The following RIMS4 variants were observed in gnomAD, a reference collection of about 807,000 sequenced individuals.
The protein encoded by RIMS4 is regulating synaptic membrane exocytosis protein 4.
A neutral mutation model predicts 29.0 loss-of-function variants in RIMS4; 9 were observed. The ratio of observed to expected loss-of-function variants is 0.31; its 90% CI spans 0.19 to 0.54. The LOEUF (loss-of-function observed/expected upper bound fraction) is 0.54, where lower values mean the gene tolerates loss of function less well. RIMS4 is among the 20% of genes least tolerant of loss of function. The probability of loss-of-function intolerance (pLI) is 0.94; values close to 1 mark genes in which losing one functional copy is unlikely to be tolerated. For synonymous variants in RIMS4, 130 were observed against 152.9 expected, an observed-to-expected ratio of 0.85 and a Z score of 1.10; for missense variants, 193 against 365.7, an observed-to-expected ratio of 0.53 and a Z score of 3.85.
chr20:44,773,088 C>A (rs557045854), intron 1 of RIMS4, among the ~76,000 whole-genome samples: 7 of 152,242 alleles, frequency 4.6e-5, no homozygotes, highest in African/African-American at 1.7e-4. Context: ...GCAACACACA[C>A]ACACAGTAAG....
intron 2 of RIMS4, among the ~76,000 whole-genome samples, chr20:44,761,624 A>G (rs567691915): frequency 2.0e-5 from 3 of 152,092 alleles, no homozygotes; most frequent in Non-Finnish European, 2.9e-5. Flanking sequence ...AGGCTTGATG[A>G]CGCATCCGTT....
chr20:44,771,159 C>G (rs994665804), intron 2 of RIMS4, 116 bp downstream of exon 2: 10 of 1,220,238 alleles, frequency 8.2e-6, no homozygotes, highest in Non-Finnish European at 1.1e-5. Flanking sequence ...GAGCCCTGAG[C>G]TGGCGCTTTC....
At chr20:44,769,393 C>A (rs566359036) in intron 2 of RIMS4, among the ~76,000 whole-genome samples, 1 of 152,152 alleles carries the variant, frequency 6.6e-6, no homozygotes, top group South Asian at 2.1e-4. Context: ...CAGACCTGCC[C>A]GTGAGGCTGA....
At chr20:44,771,160 T>C in intron 2 of RIMS4, 115 bp downstream of exon 2, 1 of 1,229,580 alleles carries the variant, frequency 8.1e-7, no homozygotes. Context: ...AGCCCTGAGC[T>C]GGCGCTTTCA....
chr20:44,793,952 C>T (rs925939075), intron 1 of RIMS4, among the ~76,000 whole-genome samples: 2 of 152,154 alleles, frequency 1.3e-5, no homozygotes, highest in Non-Finnish European at 1.5e-5. Context: ...ACCTGTAGTC[C>T]CAGCTTTTTG....
chr20:44,799,869 G>A (rs1004050748), intron 1 of RIMS4, among the ~76,000 whole-genome samples: 2 of 152,144 alleles, frequency 1.3e-5, no homozygotes, highest in Non-Finnish European at 2.9e-5. Flanking sequence ...GACCTCAGAG[G>A]GACTTTCAAC....
chr20:44,767,508 C>T (rs1345065411), intron 2 of RIMS4, among the ~76,000 whole-genome samples: 22 of 152,230 alleles, frequency 1.4e-4, no homozygotes, highest in Admixed American at 1.4e-3. Context: ...GAGAGGGGCT[C>T]TGGGTCCTTG....
At chr20:44,783,265 T>C (rs1019396090) in intron 1 of RIMS4, among the ~76,000 whole-genome samples, 7 of 152,210 alleles carry the variant, frequency 4.6e-5, no homozygotes, top group African/African-American at 1.2e-4. Flanking sequence ...TGAATGGCCA[T>C]CCATGGACGA....
At chr20:44,780,897 A>G (rs2066181553) in intron 1 of RIMS4, among the ~76,000 whole-genome samples, 1 of 152,170 alleles carries the variant, frequency 6.6e-6, no homozygotes, top group African/African-American at 2.4e-5. Context: ...GGATTTGAGA[A>G]CCCTAGAGAG....
intron 2 of RIMS4, among the ~76,000 whole-genome samples, chr20:44,767,275 CT>C (rs1436350483): frequency 6.6e-6 from 1 of 152,206 alleles, no homozygotes; most frequent in African/African-American, 2.4e-5. Context: ...CTGGAAGGTT[CT>C]GTTCTCACGG....
intron 2 of RIMS4, among the ~76,000 whole-genome samples, chr20:44,758,712 G>T (rs181349294): frequency 6.6e-6 from 1 of 152,120 alleles, no homozygotes; most frequent in Non-Finnish European, 1.5e-5. Context: ...CCTTCCCCTC[G>T]GCCAGTGATC....
intron 2 of RIMS4, among the ~76,000 whole-genome samples, chr20:44,763,392 C>A (rs2066094600): frequency 6.6e-6 from 1 of 152,220 alleles, no homozygotes; most frequent in South Asian, 2.1e-4. Flanking sequence ...GGGTGAGATA[C>A]CATGGCCTGC....
rs1277817424 is a variant in RIMS4 at position 44,756,193 on chromosome 20, G to A, written c.751C>T (p.Arg251Trp). ...MVDPATGPLL[R>W]QASQLSLEST... is the part of the protein sequence containing the mutation. Reference sequence around the variant, plus strand: ...TCGAGGGACAACTGGGATGCCTGCCGGAGCAGGGGGCCTGTGGCTGGGTCC... The same window carrying A: ...TCGAGGGACAACTGGGATGCCTGCCAGAGCAGGGGGCCTGTGGCTGGGTCC... The change falls in exon 6 of 6, where the codon CGG (arginine) becomes TGG (tryptophan). Residue 251 changes from arginine to tryptophan, a missense_variant. Physicochemically the swap from Arg to Trp is moderately radical, Grantham distance 101. Coordinates refer to ENST00000372851, the MANE Select transcript of RIMS4 (RefSeq NM_182970.4). The surrounding 1 kb of genome is among the most constrained non-coding windows in gnomAD (Gnocchi z 5.9). The A allele has an allele frequency of 1.9e-6, 3 of 1,613,876 alleles. No homozygotes were observed. Among genetic ancestry groups the A allele is most frequent in the African/African-American group, 2.7e-5 (2 of 74,934 alleles).
At chr20:44,789,717 G>C (rs2145470001) in intron 1 of RIMS4, among the ~76,000 whole-genome samples, 1 of 152,220 alleles carries the variant, frequency 6.6e-6, no homozygotes, top group Non-Finnish European at 1.5e-5. Flanking sequence ...CACCACATCT[G>C]GCTGAGTTTT....
chr20:44,789,114 A>T (rs1245564646), intron 1 of RIMS4, among the ~76,000 whole-genome samples: 1 of 151,782 alleles, frequency 6.6e-6, no homozygotes, highest in Non-Finnish European at 1.5e-5. Context: ...AGGTTATGTC[A>T]TGTGTTTAAA....
At chr20:44,790,047 G>C (rs984786461) in intron 1 of RIMS4, among the ~76,000 whole-genome samples, 1 of 152,258 alleles carries the variant, frequency 6.6e-6, no homozygotes, top group Non-Finnish European at 1.5e-5. Flanking sequence ...TGGGACACTG[G>C]ATCAGCACAG....
chr20:44,804,549 GAC>G (rs2066290192), intron 1 of RIMS4, among the ~76,000 whole-genome samples: 1 of 152,222 alleles, frequency 6.6e-6, no homozygotes, highest in Non-Finnish European at 1.5e-5. Flanking sequence ...ATAAAGAAAA[GAC>G]ACAGAGGAGG....
rs2145441477 is a variant in RIMS4 at position 44,756,328 on chromosome 20, G to A, written c.616C>T (p.Arg206Trp). 3 of 1,613,936 alleles carry A rather than the reference G, an allele frequency of 1.9e-6. No individual in the cohort carries two copies. The highest frequency in any genetic ancestry group is 1.1e-5 in the South Asian group (1 of 91,064). Residue 206 changes from arginine (R) to tryptophan (W), a missense_variant, in exon 6 of 6, where the codon CGG (arginine) becomes TGG (tryptophan). By Grantham distance (101) the Arg-to-Trp change is moderately radical. Coordinates refer to ENST00000372851, the MANE Select transcript of RIMS4 (RefSeq NM_182970.4). This position sits in a 1 kb window ranked among gnomAD's most constrained non-coding sequence, Gnocchi z 5.9. ...LQVIVWGNYGRMERKQFMGVA... is the reference protein window; with the variant it reads ...LQVIVWGNYGWMERKQFMGVA... ...CCCATGAACTGCTTCCGCTCCATCC[G>A]CCCGTAGTTCCCCCACACGATCACC... is the stretch of plus-strand genomic sequence containing the variant.
chr20:44,771,232 A>G (rs760200492), intron 2 of RIMS4, 43 bp downstream of exon 2: 12 of 1,582,818 alleles, frequency 7.6e-6, no homozygotes, highest in Admixed American at 1.7e-5. Context: ...GCCCCACCAC[A>G]AAAGACTGCA....
Sources: gnomAD v4.1 joint callset for allele counts (sites outside exome capture counted in the v4.1 genomes callset) on GRCh38, gnomAD v4.1.1 for gene constraint, Gnocchi (gnomAD v3.1) non-coding constraint, MANE v1.5 for transcripts, NCBI Gene and HGNC (gene_info 2026-07-23, HGNC 2026-07-21) for gene names.